The following ATP8B4 variants were observed in gnomAD, a reference collection of about 807,000 sequenced individuals.
The protein encoded by ATP8B4 is ATPase phospholipid transporting 8B4 (putative).
Under a neutral mutation model 145.6 loss-of-function variants are expected in ATP8B4, and 133 were observed. The observed-to-expected ratio is 0.91, with a 90% CI of 0.79 to 1.05. The LOEUF (loss-of-function observed/expected upper bound fraction) is 1.05. Ranked by LOEUF, ATP8B4 falls within the 50% of genes least tolerant of loss-of-function variation. The pLI, the probability that ATP8B4 is intolerant of heterozygous loss-of-function variation, is 0.00. For synonymous variants in ATP8B4, 507 were observed against 492.9 expected (o/e 1.03, Z -0.38); for missense variants, 1,458 against 1,425.2 (o/e 1.02, Z -0.37).
At chr15:49,872,778 G>A (rs942051998) in intron 25 of ATP8B4, among the ~76,000 whole-genome samples, 1 of 151,860 alleles carries the variant, frequency 6.6e-6, no homozygotes, top group Admixed American at 6.6e-5. Context: ...TAAATTCAAT[G>A]TGGGATCCTG....
At chr15:50,097,370 G>A (rs1056861248) in intron 2 of ATP8B4, among the ~76,000 whole-genome samples, 2 of 151,940 alleles carry the variant, frequency 1.3e-5, no homozygotes, top group Admixed American at 6.5e-5. Flanking sequence ...AAAAAATACA[G>A]ACTTTATTCC....
chr15:49,995,972 G>C (rs2047393729), intron 9 of ATP8B4, among the ~76,000 whole-genome samples: 1 of 152,016 alleles, frequency 6.6e-6, no homozygotes, highest in Non-Finnish European at 1.5e-5. Context: ...CATACATGCA[G>C]ATATCCTTAG....
intron 14 of ATP8B4, 81 bp downstream of exon 14, chr15:49,961,896 G>T: frequency 8.4e-7 from 1 of 1,186,918 alleles, no homozygotes; most frequent in Non-Finnish European, 1.2e-6. Flanking sequence ...TGGAAATCAG[G>T]ACACTAAAAG....
At chr15:49,881,387 A>C (rs141231165) in intron 23 of ATP8B4, among the ~76,000 whole-genome samples, 2,037 of 152,334 alleles carry the variant, frequency 0.013, 171 homozygotes, top group Admixed American at 0.12. Context: ...AAATTTATAT[A>C]ACGTTTAATA....
At chr15:49,914,802 T>C (rs1026120298) in intron 20 of ATP8B4, among the ~76,000 whole-genome samples, 2 of 152,062 alleles carry the variant, frequency 1.3e-5, no homozygotes, top group Admixed American at 1.3e-4. Context: ...TACTATTAAA[T>C]AAATAAATTA....
chr15:49,897,658 T>C (rs1012922085), intron 22 of ATP8B4, 143 bp from the exon 23 acceptor site: 5 of 711,728 alleles, frequency 7.0e-6, no homozygotes, highest in Admixed American at 3.6e-5. Flanking sequence ...GAAACACTTA[T>C]GATAGATATT....
intron 2 of ATP8B4, among the ~76,000 whole-genome samples, chr15:50,074,675 G>A (rs1174225896): frequency 6.6e-6 from 1 of 152,212 alleles, no homozygotes; most frequent in Non-Finnish European, 1.5e-5. Context: ...CATATTAAGA[G>A]GAATGACACA....
Position 49,913,875 on chromosome 15 carries a change from G to A in ATP8B4, c.2141+3059C>T, listed in dbSNP as rs186381180. 1.3e-4 allele frequency among the ~76,000 whole-genome samples: 20 copies of A among 152,014 alleles called. No individual in the cohort carries two copies. The Middle Eastern group carries it at 0.01, about 78-fold the overall frequency. On this transcript the variant is annotated intron_variant, in intron 20 of 27. Coordinates refer to ENST00000284509, the MANE Select transcript of ATP8B4 (RefSeq NM_024837.4). Reference sequence around the variant, plus strand: ...AACACCAGTGAAAGAAATTGGAGAGGGCACAAACAAATGAAAAGACATTCC... The same window carrying A: ...AACACCAGTGAAAGAAATTGGAGAGAGCACAAACAAATGAAAAGACATTCC...
At chr15:49,868,336 G>A (rs186749404) in intron 25 of ATP8B4, among the ~76,000 whole-genome samples, 21 of 152,238 alleles carry the variant, frequency 1.4e-4, no homozygotes, top group South Asian at 8.3e-4. Context: ...TCTTATGCTC[G>A]TCCAATATAT....
At chr15:50,165,203 C>A (rs1304525571) in intron 1 of ATP8B4, among the ~76,000 whole-genome samples, 5 of 152,110 alleles carry the variant, frequency 3.3e-5, no homozygotes, top group African/African-American at 1.2e-4. Flanking sequence ...GTACCCACCA[C>A]CACAGCCCCC....
rs1219599496 is a variant in ATP8B4, at chr15:50,088,785, G to T, written c.29-14600C>A. Among the ~76,000 whole-genome samples, 6 of 152,266 alleles carry T rather than the reference G, an allele frequency of 3.9e-5. No homozygotes were observed. In the East Asian group the frequency reaches 1.2e-3, roughly 29 times the overall value. ...CCTGCAACCTTTGGAACAGTGTCTA[G>T]CACATAATCAACGTTCAGTATATAT... On this transcript the variant is annotated intron_variant, in intron 2 of 27. Coordinates refer to ENST00000284509, the MANE Select transcript of ATP8B4 (RefSeq NM_024837.4).
chr15:49,922,937 C>G (rs1243589719), intron 17 of ATP8B4, among the ~76,000 whole-genome samples: 1 of 152,152 alleles, frequency 6.6e-6, no homozygotes, highest in Non-Finnish European at 1.5e-5. Context: ...GACTATTTTC[C>G]TCTCACAATC....
intron 25 of ATP8B4, among the ~76,000 whole-genome samples, chr15:49,874,724 GA>G (rs1566908436): frequency 2.0e-5 from 3 of 151,964 alleles, no homozygotes; most frequent in African/African-American, 7.3e-5. Flanking sequence ...AACTTCAAGC[GA>G]CAAGAAGTCA....
At chr15:49,893,268 A>G (rs754935769) in intron 23 of ATP8B4, among the ~76,000 whole-genome samples, 5 of 152,214 alleles carry the variant, frequency 3.3e-5, no homozygotes, top group Admixed American at 6.5e-5. Context: ...TAAATTTTTA[A>G]GCCTGAAGAG....
chr15:49,934,142 T>A lies in ATP8B4; in HGVS notation c.1328A>T (p.Asp443Val). The A allele has an allele frequency of 1.2e-6, 2 of 1,612,262 alleles. No homozygotes were observed. ...GTGGTCAAAGAACTGAAATTCTCTA[T>A]CCGCTTGAGATTTGACTGAGAAATC... ...PVDFSVKSQA[D>V]REFQFFDHHL... The change falls in exon 15 of 28, where the codon GAT (aspartate) becomes GTT (valine). Residue 443 changes from aspartate (D) to valine (V), a missense_variant. Asp to Val is a radical substitution (Grantham distance 152). Transcript: ENST00000284509.
chr15:50,175,141 C>A (rs1210505632), intron 1 of ATP8B4, among the ~76,000 whole-genome samples: 1 of 152,148 alleles, frequency 6.6e-6, no homozygotes, highest in Non-Finnish European at 1.5e-5. Flanking sequence ...ATGCAAAAAT[C>A]AACTCTAGAT....
intron 23 of ATP8B4, among the ~76,000 whole-genome samples, chr15:49,891,775 A>T (rs2036831298): frequency 6.6e-6 from 1 of 152,186 alleles, no homozygotes; most frequent in Non-Finnish European, 1.5e-5. Context: ...CAAGTTGACA[A>T]TGTCATGTGA....
At chr15:50,105,160 T>A (rs2056607697) in intron 2 of ATP8B4, among the ~76,000 whole-genome samples, 1 of 150,804 alleles carries the variant, frequency 6.6e-6, no homozygotes, top group Non-Finnish European at 1.5e-5. Context: ...TGTATACTGC[T>A]CAGGTGATGG....
At chr15:50,127,633 T>G (rs2057316068) in intron 1 of ATP8B4, among the ~76,000 whole-genome samples, 1 of 152,180 alleles carries the variant, frequency 6.6e-6, no homozygotes, top group Non-Finnish European at 1.5e-5. Context: ...AGACGCATTC[T>G]CTCTTAGATA....
Sources: gnomAD v4.1 joint callset for allele counts (sites outside exome capture counted in the v4.1 genomes callset) on GRCh38, gnomAD v4.1.1 for gene constraint, MANE v1.5 for transcripts, NCBI Gene and HGNC (gene_info 2026-07-23, HGNC 2026-07-21) for gene names.